The following MEGF6 variants were observed in gnomAD, a reference collection of about 807,000 sequenced individuals.
MEGF6 encodes multiple epidermal growth factor-like domains protein 6.
In MEGF6, 184 loss-of-function variants were observed where a neutral mutation model predicts 207.1. That is an observed-to-expected ratio of 0.89 (90% CI 0.79 to 1.00). The LOEUF (loss-of-function observed/expected upper bound fraction) is 1.00. Ranked by LOEUF, MEGF6 falls within the 50% of genes least tolerant of loss-of-function variation. The pLI, the probability that MEGF6 is intolerant of heterozygous loss-of-function variation, is 0.00. For missense variants in MEGF6, 2,282 were observed against 2,202.9 expected (o/e 1.04, Z -0.72); for synonymous variants, 1,038 against 910.0 (o/e 1.14, Z -2.53).
chr1:3,503,575 C>G (rs918980520), intron 17 of MEGF6, among the ~76,000 whole-genome samples: 3 of 152,050 alleles, frequency 2.0e-5, no homozygotes, highest in Non-Finnish European at 4.4e-5. Context: ...TTCACTGTCT[C>G]TGGTATAGAG....
intron 2 of MEGF6, 22 bp downstream of exon 2, chr1:3,602,444 C>T (rs566580882): frequency 1.2e-6 from 2 of 1,613,140 alleles, no homozygotes; most frequent in East Asian, 4.5e-5. Flanking sequence ...GCCCCTCCCC[C>T]AACACGGGCC....
intron 4 of MEGF6, among the ~76,000 whole-genome samples, chr1:3,527,448 C>T (rs908842319): frequency 1.3e-5 from 2 of 152,236 alleles, no homozygotes; most frequent in Non-Finnish European, 2.9e-5. Context: ...AAGACACACC[C>T]ACTCTGGGGA....
intron 4 of MEGF6, among the ~76,000 whole-genome samples, chr1:3,551,415 G>A (rs977726614): frequency 3.9e-5 from 6 of 152,140 alleles, no homozygotes; most frequent in Admixed American, 1.3e-4. Context: ...CCAAGTCAAC[G>A]GGCAGCATCA....
chr1:3,552,358 G>T (rs2101596314), intron 4 of MEGF6, among the ~76,000 whole-genome samples: 1 of 152,376 alleles, frequency 6.6e-6, no homozygotes, highest in South Asian at 2.1e-4. Flanking sequence ...GATGCCAGGA[G>T]GGCAACAGGA....
chr1:3,550,435 A>G (rs187337571), intron 4 of MEGF6, among the ~76,000 whole-genome samples: 92 of 152,358 alleles, frequency 6.0e-4, no homozygotes, highest in Middle Eastern at 3.4e-3. Flanking sequence ...AGGGTGAGGA[A>G]AATGTCTCGG....
chr1:3,540,546 C>T (rs1642483768), intron 4 of MEGF6, among the ~76,000 whole-genome samples: 1 of 152,234 alleles, frequency 6.6e-6, no homozygotes, highest in Non-Finnish European at 1.5e-5. Flanking sequence ...GGGCAGCCTT[C>T]CCCACAGCTG....
intron 1 of MEGF6, among the ~76,000 whole-genome samples, chr1:3,605,060 CCTCACA>C (rs986785318): frequency 6.6e-5 from 10 of 151,366 alleles, no homozygotes; most frequent in African/African-American, 2.0e-4. Context: ...AAACACACAC[CCTCACA>C]CTCACACTCT....
rs751466324 is a variant in MEGF6, at chr1:3,579,900, C to T, written c.406G>A (p.Gly136Ser). 3.5e-5 allele frequency: 54 copies of T among 1,536,952 alleles called. No individual in the cohort carries two copies. The East Asian group carries it at 5.7e-4, about 16-fold the overall frequency. ...AECSASLCFH[G>S]GRCVPGSAQP... ...GCTGAGCCTGGCACACAACGGCCAC[C>T]GTGAAAACAGAGGCTGGCGCTGCAT... The change falls in exon 4 of 37, where the codon GGT (glycine) becomes AGT (serine). Residue 136 changes from glycine (G) to serine (S), a missense_variant. Transcript: ENST00000356575.
chr1:3,599,539 C>A (rs1644125607), intron 2 of MEGF6, among the ~76,000 whole-genome samples: 1 of 152,266 alleles, frequency 6.6e-6, no homozygotes, highest in South Asian at 2.1e-4. Flanking sequence ...AGGCACACTG[C>A]AGGCACAGCT....
At chr1:3,598,719 C>A (rs1036587997) in intron 2 of MEGF6, among the ~76,000 whole-genome samples, 2 of 126,126 alleles carry the variant, frequency 1.6e-5, no homozygotes, top group Admixed American at 7.9e-5. Context: ...TAACGAGCCC[C>A]CCCCCCCCCC....
chr1:3,608,842 T>G (rs755648438), intron 1 of MEGF6, among the ~76,000 whole-genome samples: 1 of 152,110 alleles, frequency 6.6e-6, no homozygotes, highest in Non-Finnish European at 1.5e-5. Flanking sequence ...CCATCCTTCC[T>G]CATAGTGGAA....
At chr1:3,562,024 G>A (rs1643216795) in intron 4 of MEGF6, among the ~76,000 whole-genome samples, 1 of 152,244 alleles carries the variant, frequency 6.6e-6, no homozygotes, top group East Asian at 1.9e-4. Flanking sequence ...GCTGGTGGGA[G>A]GCCAGCGTCA....
intron 4 of MEGF6, among the ~76,000 whole-genome samples, chr1:3,559,698 A>T (rs913362618): frequency 6.6e-6 from 1 of 152,086 alleles, no homozygotes; most frequent in South Asian, 2.1e-4. Context: ...GACATGCACC[A>T]AGCAAGAAAG....
chr1:3,586,831 C>T (rs564640521), intron 3 of MEGF6, among the ~76,000 whole-genome samples: 5 of 152,324 alleles, frequency 3.3e-5, no homozygotes, highest in South Asian at 2.1e-4. Flanking sequence ...ACCTGCCGGG[C>T]CCGCCGGCCT....
At chr1:3,593,382 G>T (rs1049209736) in intron 3 of MEGF6, among the ~76,000 whole-genome samples, 11 of 152,074 alleles carry the variant, frequency 7.2e-5, no homozygotes, top group African/African-American at 2.4e-4. Flanking sequence ...GGGGAACGCG[G>T]CTGCGCACAC....
In MEGF6 at chr1:3,595,445, G is replaced by A; in HGVS notation, c.269C>T (p.Thr90Ile). Residue 90 changes from threonine (T) to isoleucine (I), a missense_variant and splice_region_variant, in exon 3 of 37, where the codon ACC becomes ATC. Physicochemically the swap from Thr to Ile is moderately conservative, Grantham distance 89. Coordinates refer to ENST00000356575, the MANE Select transcript of MEGF6 (RefSeq NM_001409.4). ...CTGCCTGTAGCCCATGTAGTAGACGGTTCTAGAAAGAAAGAGAGAAGGGAA... is the reference window on the plus strand; with the variant it reads ...CTGCCTGTAGCCCATGTAGTAGACGATTCTAGAAAGAAAGAGAGAAGGGAA... ...QAWCVGHERRTVYYMGYRQVY... is the reference protein window; with the variant it reads ...QAWCVGHERRIVYYMGYRQVY... 1 of 1,611,826 alleles carries A rather than the reference G, an allele frequency of 6.2e-7. No homozygotes were observed. The highest frequency in any genetic ancestry group is 8.5e-7 in the Non-Finnish European group (1 of 1,179,166).
intron 3 of MEGF6, among the ~76,000 whole-genome samples, chr1:3,587,591 C>T (rs991870537): frequency 4.6e-5 from 7 of 152,214 alleles, no homozygotes; most frequent in African/African-American, 1.4e-4. Flanking sequence ...ACCGGAAGCA[C>T]GAAGGAGAAC....
intron 4 of MEGF6, among the ~76,000 whole-genome samples, chr1:3,529,754 A>G (rs2101344567): frequency 1.3e-5 from 2 of 152,146 alleles, no homozygotes; most frequent in South Asian, 4.1e-4. Flanking sequence ...CCAGCCCAGG[A>G]CTACACAGGC....
upstream of MEGF6, among the ~76,000 whole-genome samples, chr1:3,614,038 C>A (rs116658804): frequency 2.0e-5 from 3 of 152,198 alleles, no homozygotes; most frequent in Non-Finnish European, 4.4e-5. Context: ...GGACACCTGC[C>A]GTGCCCTCCC....
Sources: allele counts gnomAD v4.1 joint callset (sites outside exome capture counted in the v4.1 genomes callset), GRCh38; gene constraint gnomAD v4.1.1; transcripts MANE v1.5; gene names NCBI Gene and HGNC (gene_info 2026-07-23, HGNC 2026-07-21).